The following COPS2 variants were observed in gnomAD, a reference collection of about 807,000 sequenced individuals.
COPS2 encodes COP9 signalosome subunit 2, also known as COP9 signalosome complex subunit 2.
COPS2 carries 10 observed loss-of-function variants against 66.1 expected under a neutral mutation model. That is an observed-to-expected ratio of 0.15 (90% CI 0.09 to 0.26). The LOEUF is 0.26. COPS2 is among the 10% of genes least tolerant of loss of function. The pLI, the probability that COPS2 is intolerant of heterozygous loss-of-function variation, is 1.00. For synonymous variants in COPS2, 179 were observed against 171.3 expected (o/e 1.04, Z -0.35); for missense variants, 215 against 513.3 (o/e 0.42, Z 5.62).
At chr15:49,129,402 C>CT (rs2084193341) in intron 11 of COPS2, 75 bp downstream of exon 11, 2 of 521,180 alleles carry the variant, frequency 3.8e-6, no homozygotes, top group Non-Finnish European at 6.4e-6. Context: ...TAGAGTGACT[C>CT]TTAAATGCAA....
chr15:49,133,616 G>T, intron 9 of COPS2, 143 bp downstream of exon 9: 1 of 583,400 alleles, frequency 1.7e-6, no homozygotes. Context: ...AATAACCTCA[G>T]AAGATAAAAA....
At chr15:49,142,727 T>C (rs1326451079) in intron 3 of COPS2, among the ~76,000 whole-genome samples, 1 of 152,206 alleles carries the variant, frequency 6.6e-6, no homozygotes, top group Non-Finnish European at 1.5e-5. Context: ...CTACCCTGTA[T>C]TCTTTACCAG....
At chr15:49,138,396 G>T (rs2084268251) in intron 4 of COPS2, among the ~76,000 whole-genome samples, 2 of 152,102 alleles carry the variant, frequency 1.3e-5, no homozygotes. Flanking sequence ...AATATCTGTT[G>T]TTACTTTCAA....
intron 12 of COPS2, among the ~76,000 whole-genome samples, chr15:49,128,483 G>T (rs1259232391): frequency 6.6e-6 from 1 of 151,824 alleles, no homozygotes; most frequent in Non-Finnish European, 1.5e-5. Flanking sequence ...TATATAATAA[G>T]AAATCCTTCT....
intron 10 of COPS2, 26 bp from the exon 11 acceptor site, chr15:49,129,585 A>C: frequency 1.6e-6 from 2 of 1,240,532 alleles, no homozygotes; most frequent in Non-Finnish European, 2.2e-6. Context: ...TTAAAATAAC[A>C]TTTTATTTAA....
Position 49,155,393 on chromosome 15 carries a change from C to T in COPS2, c.54+132G>A. On this transcript the variant is annotated intron_variant, in intron 1 of 12. Coordinates refer to ENST00000388901, the MANE Select transcript of COPS2 (RefSeq NM_004236.4). The stretch of plus-strand genomic sequence containing the variant: ...GGTGCGGGAACGGGGAGGAGGTAAA[C>T]CAGTCCTGTCACCGCACTGAGAGAG... 5.0e-6 allele frequency: 4 copies of T among 797,094 alleles called. No homozygotes were observed. In the South Asian group the frequency reaches 6.1e-5, roughly 12 times the overall value. The allele number at this position is 797,094 out of a possible 1,614,324, so 49.4% of individuals were successfully genotyped here.
intron 4 of COPS2, among the ~76,000 whole-genome samples, chr15:49,139,021 T>C (rs1325081237): frequency 6.6e-6 from 1 of 152,210 alleles, no homozygotes. Context: ...CAATACCTTC[T>C]TTAGTTTCTT....
Position 49,123,743 on chromosome 15 carries a change from T to G in COPS2, c.*4207A>C, listed in dbSNP as rs1042654804. ...ATATACCTTTGATGCCGTAATATTT[T>G]TAACTACTACAGGTAGTTTAGATAT... On this transcript the variant is annotated 3_prime_UTR_variant, in exon 13 of 13. Coordinates refer to ENST00000388901, the MANE Select transcript of COPS2 (RefSeq NM_004236.4). 12 of 152,206 alleles carry G rather than the reference T, an allele frequency of 7.9e-5. No individual in the cohort carries two copies. Among genetic ancestry groups the G allele is most frequent in the Non-Finnish European group, 1.3e-4 (9 of 68,028 alleles). 9.4% of individuals were successfully genotyped at this position (152,206 alleles called of 1,614,324 possible). A position where few individuals can be genotyped will look rare whatever the true frequency, so the allele number is the denominator to read the frequency against.
chr15:49,134,804 G>A (rs1242533349), intron 6 of COPS2, among the ~76,000 whole-genome samples: 1 of 152,182 alleles, frequency 6.6e-6, no homozygotes, highest in East Asian at 1.9e-4. Context: ...GTGGATGCCT[G>A]AAACTATGTA....
chr15:49,147,725 C>CAAA (rs34315247), intron 1 of COPS2, among the ~76,000 whole-genome samples: 74 of 94,742 alleles, frequency 7.8e-4, no homozygotes, highest in African/African-American at 2.2e-3. Context: ...GTTACAACTC[C>CAAA]AAAAAAAAAA....
chr15:49,129,190 G>A (rs923269172), intron 11 of COPS2, among the ~76,000 whole-genome samples: 6 of 151,894 alleles, frequency 4.0e-5, no homozygotes, highest in African/African-American at 9.7e-5. Context: ...AGCTACTCAG[G>A]AGGCTGAGGT....
chr15:49,124,710 A>C lies in COPS2; in HGVS notation c.*3240T>G, dbSNP rs563612940. 2 of 152,348 alleles carry C rather than the reference A, an allele frequency of 1.3e-5. No homozygotes were observed. Among genetic ancestry groups the C allele is most frequent in the South Asian group, 4.1e-4 (2 of 4,828 alleles). The allele number at this position is 152,348 out of a possible 1,614,324, so 9.4% of individuals were successfully genotyped here. A position where few individuals can be genotyped will look rare whatever the true frequency, so the allele number is the denominator to read the frequency against. ...CTAGAAATATTTAGTCATAAATCCC[A>C]TATGAAGAATGAAACTCCCAGCTTT... On this transcript the variant is annotated 3_prime_UTR_variant, in exon 13 of 13. Coordinates refer to ENST00000388901, the MANE Select transcript of COPS2 (RefSeq NM_004236.4).
At chr15:49,132,988 ATTT>A (rs35969483) in intron 9 of COPS2, among the ~76,000 whole-genome samples, 2 of 130,912 alleles carry the variant, frequency 1.5e-5, no homozygotes, top group Non-Finnish European at 1.6e-5. Flanking sequence ...CATTGTAAAC[ATTT>A]TTTTTTTTTT....
chr15:49,149,975 A>C (rs1235146831), intron 1 of COPS2, among the ~76,000 whole-genome samples: 3 of 152,178 alleles, frequency 2.0e-5, no homozygotes, highest in Admixed American at 1.3e-4. Flanking sequence ...TATGGAGTAA[A>C]TTAGAATTAA....
At chr15:49,144,072 A>C (rs1393942038) in intron 3 of COPS2, among the ~76,000 whole-genome samples, 155 bp downstream of exon 3, 1 of 151,920 alleles carries the variant, frequency 6.6e-6, no homozygotes. Flanking sequence ...TGTTTTTTTT[A>C]CTTAGTATTA....
At chr15:49,150,673 T>C (rs191962105) in intron 1 of COPS2, among the ~76,000 whole-genome samples, 4 of 152,244 alleles carry the variant, frequency 2.6e-5, no homozygotes, top group Admixed American at 2.0e-4. Context: ...AACCAAATAC[T>C]GCATGTTCTC....
chr15:49,128,105 A>G lies in COPS2; in HGVS notation c.1188-11T>C. On this transcript the variant is annotated splice_polypyrimidine_tract_variant and intron_variant, in intron 12 of 12. Transcript: ENST00000388901. Reference sequence around the variant, plus strand: ...CGGCCATGAATAGTGCTAGAAAGAAATAAATAAGATGTGTCTACAAAAGAC... The same window carrying G: ...CGGCCATGAATAGTGCTAGAAAGAAGTAAATAAGATGTGTCTACAAAAGAC... 6.2e-7 allele frequency: 1 copy of G among 1,611,838 alleles called. No homozygotes were observed. Among genetic ancestry groups the G allele is most frequent in the Non-Finnish European group, 8.5e-7 (1 of 1,178,740 alleles).
At position 49,124,269 on chromosome 15, in the gene COPS2, G is replaced by A. The variant is rs915311074; in HGVS notation, c.*3681C>T. 6.6e-6 allele frequency: 1 copy of A among 152,234 alleles called. No homozygotes were observed. Among genetic ancestry groups the A allele is most frequent in the African/African-American group, 2.4e-5 (1 of 41,422 alleles). 9.4% of individuals were successfully genotyped at this position (152,234 alleles called of 1,614,324 possible). ...TGTCTGTAATCCCAGCTACTCCGGA[G>A]ATTGAGGCAGGAGAATCGCTTGAAC... is the stretch of plus-strand genomic sequence containing the variant. On this transcript the variant is annotated 3_prime_UTR_variant, in exon 13 of 13. Coordinates refer to ENST00000388901, the MANE Select transcript of COPS2 (RefSeq NM_004236.4).
chr15:49,125,705 T>C lies in COPS2; in HGVS notation c.*2245A>G, dbSNP rs2084160627. On this transcript the variant is annotated 3_prime_UTR_variant, in exon 13 of 13. Transcript: ENST00000388901. Reference sequence around the variant, plus strand: ...TGTATTCCAGAACAAAAGTCACAGATGACTAACAGAAAAAAAAGAACGCAC... The same window carrying C: ...TGTATTCCAGAACAAAAGTCACAGACGACTAACAGAAAAAAAAGAACGCAC... 6.6e-6 allele frequency: 1 copy of C among 151,972 alleles called. No individual in the cohort carries two copies. Among genetic ancestry groups the C allele is most frequent in the Non-Finnish European group, 1.5e-5 (1 of 67,918 alleles). The allele number at this position is 151,972 out of a possible 1,614,324, so 9.4% of individuals were successfully genotyped here.
Sources: allele counts gnomAD v4.1 joint callset (sites outside exome capture counted in the v4.1 genomes callset), GRCh38; gene constraint gnomAD v4.1.1; transcripts MANE v1.5; gene names NCBI Gene and HGNC (gene_info 2026-07-23, HGNC 2026-07-21).